Variants in PDGFD observed in about 807,000 individuals in gnomAD.
PDGFD encodes the protein platelet derived growth factor D, also known as platelet-derived growth factor D.
Under a neutral mutation model 44.7 loss-of-function variants are expected in PDGFD, and 30 were observed. The ratio of observed to expected loss-of-function variants is 0.67; its 90% CI spans 0.50 to 0.91. The LOEUF is 0.91. Ranked by LOEUF, PDGFD falls within the 40% of genes least tolerant of loss-of-function variation. PDGFD has a pLI of 0.00. For synonymous variants in PDGFD, 173 were observed against 168.4 expected, an observed-to-expected ratio of 1.03 and a Z score of -0.21; for missense variants, 445 against 457.8, an observed-to-expected ratio of 0.97 and a Z score of 0.25.
intron 2 of PDGFD, among the ~76,000 whole-genome samples, chr11:103,999,750 A>G (rs1319014188): frequency 6.6e-6 from 1 of 152,194 alleles, no homozygotes; most frequent in Non-Finnish European, 1.5e-5. Flanking sequence ...ATACCTGTGC[A>G]TAAATGCTGC....
intron 3 of PDGFD, among the ~76,000 whole-genome samples, chr11:103,973,267 T>C (rs991244957): frequency 6.6e-6 from 1 of 151,362 alleles, no homozygotes; most frequent in African/African-American, 2.4e-5. Flanking sequence ...GCCTCCCAAG[T>C]AACTGGGACC....
At chr11:104,018,706 T>C (rs550617140) in intron 1 of PDGFD, among the ~76,000 whole-genome samples, 2 of 152,358 alleles carry the variant, frequency 1.3e-5, no homozygotes, top group South Asian at 4.1e-4. Context: ...CTGGCACTCA[T>C]ACATGTCCTT....
intron 1 of PDGFD, among the ~76,000 whole-genome samples, chr11:104,069,370 A>G (rs1297076006): frequency 1.3e-5 from 2 of 152,170 alleles, no homozygotes; most frequent in Non-Finnish European, 2.9e-5. Flanking sequence ...CACAAATGGC[A>G]AGGTTATTTT....
chr11:104,095,208 G>A (rs1421868061), intron 1 of PDGFD, among the ~76,000 whole-genome samples: 1 of 151,736 alleles, frequency 6.6e-6, no homozygotes, highest in East Asian at 1.9e-4. Flanking sequence ...ATATTTATTT[G>A]TTTGTTTGTT....
chr11:104,082,884 G>T (rs1861066859), intron 1 of PDGFD, among the ~76,000 whole-genome samples: 1 of 152,088 alleles, frequency 6.6e-6, no homozygotes, highest in South Asian at 2.1e-4. Context: ...CTCCCAAACT[G>T]CTGGGATTAC....
intron 1 of PDGFD, among the ~76,000 whole-genome samples, chr11:104,123,341 T>C (rs1269013345): frequency 6.6e-6 from 1 of 151,934 alleles, no homozygotes; most frequent in Non-Finnish European, 1.5e-5. Context: ...AAAAAGAAAA[T>C]AATACATTCT....
intron 1 of PDGFD, among the ~76,000 whole-genome samples, chr11:104,069,583 G>C (rs751749815): frequency 6.6e-6 from 1 of 152,140 alleles, no homozygotes; most frequent in Non-Finnish European, 1.5e-5. Flanking sequence ...GATGCTGGCC[G>C]GGCACAGTGG....
chr11:103,957,461 A>T (rs889025262), intron 3 of PDGFD, among the ~76,000 whole-genome samples: 1 of 152,200 alleles, frequency 6.6e-6, no homozygotes, highest in Non-Finnish European at 1.5e-5. Flanking sequence ...ACCTGACTTC[A>T]AACTATACTA....
chr11:103,985,968 C>T (rs925719579), intron 3 of PDGFD, among the ~76,000 whole-genome samples: 1 of 152,112 alleles, frequency 6.6e-6, no homozygotes, highest in Non-Finnish European at 1.5e-5. Flanking sequence ...ACAGAGGTGG[C>T]TCCATGACTT....
rs2119915618 is a variant in PDGFD, at chr11:104,154,493, G to A, written c.124+9311C>T. ...GTGACTTCACCCAGAGCGTTTCCGT[G>A]GAGCAGTGGGGATGATTTCAAATCA... is the stretch of plus-strand genomic sequence containing the variant. On this transcript the variant is annotated intron_variant, in intron 1 of 6. Transcript: ENST00000393158. Among the ~76,000 whole-genome samples, 2 of 152,250 alleles carry A rather than the reference G, an allele frequency of 1.3e-5. 1 individual carries two copies. Among genetic ancestry groups the A allele is most frequent in the South Asian group, 4.1e-4 (2 of 4,820 alleles).
At chr11:104,096,530 C>T (rs1030326677) in intron 1 of PDGFD, among the ~76,000 whole-genome samples, 8 of 152,154 alleles carry the variant, frequency 5.3e-5, no homozygotes, top group African/African-American at 1.9e-4. Context: ...CATTTTTAGA[C>T]TTCACTAAAC....
chr11:103,940,051 T>C (rs890120508), intron 5 of PDGFD, among the ~76,000 whole-genome samples: 12 of 152,108 alleles, frequency 7.9e-5, no homozygotes, highest in African/African-American at 2.9e-4. Context: ...GGTAATTTTA[T>C]CTGTTTCCTC....
chr11:104,124,970 T>C (rs1407770899), intron 1 of PDGFD, among the ~76,000 whole-genome samples: 1 of 152,136 alleles, frequency 6.6e-6, no homozygotes, highest in African/African-American at 2.4e-5. Context: ...CTTTTACTGT[T>C]AAAACTGCTA....
At chr11:103,993,055 TTTTG>T (rs143505931) in intron 3 of PDGFD, among the ~76,000 whole-genome samples, 19,674 of 151,500 alleles carry the variant, frequency 0.13, 1,382 homozygotes, top group Middle Eastern at 0.18. Context: ...CGTGTGCTGT[TTTTG>T]TTTGTTTGTT....
At chr11:104,076,683 A>T (rs1353231346) in intron 1 of PDGFD, among the ~76,000 whole-genome samples, 2 of 152,146 alleles carry the variant, frequency 1.3e-5, no homozygotes, top group Non-Finnish European at 2.9e-5. Context: ...AAAACATGTT[A>T]AGGTATTTGG....
chr11:104,094,964 G>A (rs1490595716), intron 1 of PDGFD, among the ~76,000 whole-genome samples: 5 of 152,072 alleles, frequency 3.3e-5, no homozygotes, highest in African/African-American at 4.8e-5. Flanking sequence ...TCCAGTTCAC[G>A]ACGTAGCAAT....
intron 3 of PDGFD, among the ~76,000 whole-genome samples, chr11:103,959,279 A>T (rs1225953544): frequency 6.6e-6 from 1 of 152,228 alleles, no homozygotes; most frequent in Non-Finnish European, 1.5e-5. Flanking sequence ...ACTATGGGCC[A>T]TACTGAATAT....
chr11:104,022,390 C>T (rs1859969471), intron 1 of PDGFD, among the ~76,000 whole-genome samples: 1 of 152,132 alleles, frequency 6.6e-6, no homozygotes, highest in Non-Finnish European at 1.5e-5. Flanking sequence ...TTTACGTAGA[C>T]TCTGTGCATT....
intron 1 of PDGFD, among the ~76,000 whole-genome samples, chr11:104,034,919 G>T (rs901150796): frequency 6.6e-6 from 1 of 152,160 alleles, no homozygotes; most frequent in African/African-American, 2.4e-5. Flanking sequence ...TGGGATTACA[G>T]GCATGAGCCA....
Sources: allele counts gnomAD v4.1 joint callset (sites outside exome capture counted in the v4.1 genomes callset), GRCh38; gene constraint gnomAD v4.1.1; transcripts MANE v1.5; gene names NCBI Gene and HGNC (gene_info 2026-07-23, HGNC 2026-07-21).